The following ERBIN variants were observed in gnomAD, a reference collection of about 807,000 sequenced individuals.
ERBIN encodes erbb2 interacting protein, also known as densin-180-like protein.
A neutral mutation model predicts 158.4 loss-of-function variants in ERBIN; 60 were observed. That is an observed-to-expected ratio of 0.38 (90% CI 0.31 to 0.47). ERBIN has a LOEUF of 0.47. Among genes scored for constraint, ERBIN ranks in the 20% least tolerant of loss-of-function variants. The pLI is 0.99. For missense variants in ERBIN, 1,610 were observed against 1,648.0 expected (o/e 0.98, Z 0.40); for synonymous variants, 594 against 557.2 (o/e 1.07, Z -0.93).
At position 66,021,337 on chromosome 5, in the gene ERBIN, G is replaced by C; in HGVS notation, c.549G>C (p.Leu183=). ...TTATGAACAGAACTATGAATAGACT[G>C]ACCCAGCTGGAAAGACTGGATTTGG... ...LKMLPKTMNR[L]TQLERLDLGS... is the part of the protein sequence containing the mutation. The change falls in exon 8 of 26, where the codon CTG becomes CTC. Residue 183 remains leucine (L), a synonymous_variant. Coordinates refer to ENST00000284037, the MANE Select transcript of ERBIN (RefSeq NM_001253697.2). 6.2e-7 allele frequency: 1 copy of C among 1,602,204 alleles called. No homozygotes were observed.
intron 1 of ERBIN, among the ~76,000 whole-genome samples, chr5:65,962,411 T>C (rs1360155712): frequency 6.6e-6 from 1 of 152,184 alleles, no homozygotes; most frequent in Non-Finnish European, 1.5e-5. Flanking sequence ...GTGTGTGTAA[T>C]TTGGGTGTGG....
intron 1 of ERBIN, among the ~76,000 whole-genome samples, chr5:65,937,536 ATATCTGGAAGTGTTGCTTTGTTACTC>A (rs1205041323): frequency 6.6e-6 from 1 of 152,030 alleles, no homozygotes; most frequent in African/African-American, 2.4e-5. Context: ...TGTATATTTA[ATATCTGGAAGTGTTGCTTTGTTACTC>A]TGCTTTTAAA....
intron 17 of ERBIN, among the ~76,000 whole-genome samples, chr5:66,045,623 A>C (rs1388308260): frequency 6.6e-6 from 1 of 152,162 alleles, no homozygotes; most frequent in Non-Finnish European, 1.5e-5. Context: ...TGCACTTGCA[A>C]ATTTAAGGTT....
At chr5:66,028,482 CAAA>C (rs1756513359) in intron 14 of ERBIN, 139 bp downstream of exon 14, 3 of 478,774 alleles carry the variant, frequency 6.3e-6, no homozygotes, top group South Asian at 6.5e-5. Flanking sequence ...AGAAAAATCT[CAAA>C]ATATTTAGAA....
intron 21 of ERBIN, among the ~76,000 whole-genome samples, chr5:66,070,188 G>A (rs1580538820): frequency 6.6e-6 from 1 of 151,956 alleles, no homozygotes; most frequent in Admixed American, 6.6e-5. Flanking sequence ...GGGATTACAG[G>A]TGCGCACCAC....
At chr5:65,933,309 A>G (rs1289528331) in intron 1 of ERBIN, among the ~76,000 whole-genome samples, 1 of 152,224 alleles carries the variant, frequency 6.6e-6, no homozygotes, top group African/African-American at 2.4e-5. Flanking sequence ...TGTATTGGTC[A>G]TTTAAATATA....
chr5:66,035,693 AT>A (rs1028056245), intron 14 of ERBIN, among the ~76,000 whole-genome samples: 1 of 152,120 alleles, frequency 6.6e-6, no homozygotes, highest in Non-Finnish European at 1.5e-5. Context: ...CATATTCCTA[AT>A]TTTTTTCGAT....
At chr5:66,078,327 T>G (rs1047333093) in intron 25 of ERBIN, 96 bp from the exon 26 acceptor site, 9 of 767,356 alleles carry the variant, frequency 1.2e-5, no homozygotes, top group Middle Eastern at 2.9e-4. Context: ...GTTGCCAAAG[T>G]GATTCTTATT....
At chr5:66,003,746 T>C (rs1293889355) in intron 4 of ERBIN, among the ~76,000 whole-genome samples, 3 of 151,980 alleles carry the variant, frequency 2.0e-5, no homozygotes, top group African/African-American at 7.3e-5. Context: ...CAGGGCTTGT[T>C]TGTATTAAGA....
intron 8 of ERBIN, 120 bp downstream of exon 8, chr5:66,021,505 A>G (rs181283163): frequency 1.6e-6 from 1 of 629,548 alleles, no homozygotes; most frequent in East Asian, 3.3e-5. Context: ...CTTAGTTACA[A>G]GATATGAAAT....
chr5:66,050,817 A>C lies in ERBIN; in HGVS notation c.1938A>C (p.Glu646Asp). ...DTKETDSLSD[E>D]VTHNSNQNNS... Reference sequence around the variant, plus strand: ...AGGAAACAGATTCTTTATCAGATGAAGTTACACACAATAGCAATCAGAATA... The same window carrying C: ...AGGAAACAGATTCTTTATCAGATGACGTTACACACAATAGCAATCAGAATA... Residue 646 changes from glutamate (E) to aspartate (D), a missense_variant, in exon 20 of 26, where the codon GAA becomes GAC. Physicochemically the swap from Glu to Asp is conservative, Grantham distance 45. Transcript: ENST00000284037. 6.3e-7 allele frequency: 1 copy of C among 1,576,198 alleles called. No individual in the cohort carries two copies. Among genetic ancestry groups the C allele is most frequent in the South Asian group, 1.2e-5 (1 of 83,044 alleles).
intron 4 of ERBIN, among the ~76,000 whole-genome samples, chr5:65,996,282 A>G (rs1580292785): frequency 1.2e-5 from 1 of 83,432 alleles, no homozygotes; most frequent in African/African-American, 4.7e-5. Context: ...TTTGGGTGTT[A>G]TAGTTAAGTC....
chr5:65,931,376 G>C (rs1361834801), intron 1 of ERBIN, among the ~76,000 whole-genome samples: 1 of 152,204 alleles, frequency 6.6e-6, no homozygotes, highest in East Asian at 1.9e-4. Flanking sequence ...GAATAACTTA[G>C]AAAATAATCT....
rs541830852 is a variant in ERBIN at position 65,973,651 on chromosome 5, A to G, written c.-57-14984A>G. ...TTTTATTTATAGTCACTTTCATTTAAAATACCACTTAAAGAACCGAAGAAG... is the reference window on the plus strand; with the variant it reads ...TTTTATTTATAGTCACTTTCATTTAGAATACCACTTAAAGAACCGAAGAAG... On this transcript the variant is annotated intron_variant, in intron 1 of 25. Coordinates refer to ENST00000284037, the MANE Select transcript of ERBIN (RefSeq NM_001253697.2). Among the ~76,000 whole-genome samples, 61 of 151,372 alleles carry G rather than the reference A, an allele frequency of 4.0e-4. 2 individuals carry two copies. The South Asian group carries it at 0.013, about 31-fold the overall frequency.
At chr5:66,061,628 C>G (rs1427826400) in intron 21 of ERBIN, among the ~76,000 whole-genome samples, 1 of 152,174 alleles carries the variant, frequency 6.6e-6, no homozygotes, top group Non-Finnish European at 1.5e-5. Context: ...GATGCAGTTT[C>G]TTCCTAGCCT....
chr5:65,995,391 T>C (rs1752325224), intron 4 of ERBIN, among the ~76,000 whole-genome samples: 1 of 145,922 alleles, frequency 6.9e-6, no homozygotes, highest in Non-Finnish European at 1.5e-5. Context: ...TTTTTTTTTC[T>C]GTTCCTGGCT....
intron 2 of ERBIN, among the ~76,000 whole-genome samples, chr5:65,992,029 A>G (rs1751921973): frequency 6.6e-6 from 1 of 152,178 alleles, no homozygotes; most frequent in Non-Finnish European, 1.5e-5. Flanking sequence ...TCAAAACTGC[A>G]CTTAATCATG....
intron 1 of ERBIN, among the ~76,000 whole-genome samples, chr5:65,937,145 T>C (rs1019180724): frequency 1.6e-4 from 25 of 152,260 alleles, no homozygotes; most frequent in African/African-American, 6.0e-4. Context: ...ACATGGTTTT[T>C]ATTGATGTGT....
intron 1 of ERBIN, among the ~76,000 whole-genome samples, chr5:65,940,363 C>A (rs1361776947): frequency 6.9e-6 from 1 of 144,884 alleles, no homozygotes; most frequent in African/African-American, 2.7e-5. Context: ...GCCACCCCGT[C>A]TGGGAAGTGA....
Sources: gnomAD v4.1 joint callset for allele counts (sites outside exome capture counted in the v4.1 genomes callset) on GRCh38, gnomAD v4.1.1 for gene constraint, MANE v1.5 for transcripts, NCBI Gene and HGNC (gene_info 2026-07-23, HGNC 2026-07-21) for gene names.